RGS21: variants seen among roughly 807,000 people sequenced by gnomAD.
RGS21 encodes the protein regulator of G-protein signalling 21.
A neutral mutation model predicts 18.7 loss-of-function variants in RGS21; 19 were observed. The ratio of observed to expected loss-of-function variants is 1.01; its 90% CI spans 0.71 to 1.49. RGS21 has a LOEUF of 1.49. Ranked by LOEUF, RGS21 falls within the 40% of genes most tolerant of loss-of-function variation. RGS21 has a pLI of 0.00. For missense variants in RGS21, 194 were observed against 176.8 expected (o/e 1.10, Z -0.55); for synonymous variants, 56 against 57.8 (o/e 0.97, Z 0.14).
At chr1:192,343,874 T>A (rs994063859) in intron 2 of RGS21, among the ~76,000 whole-genome samples, 1 of 151,738 alleles carries the variant, frequency 6.6e-6, no homozygotes, top group Non-Finnish European at 1.5e-5. Flanking sequence ...AATGAGGGAG[T>A]GGCCATTGTC....
chr1:192,352,428 C>T (rs1333886056), intron 4 of RGS21, among the ~76,000 whole-genome samples: 2 of 151,850 alleles, frequency 1.3e-5, no homozygotes, highest in African/African-American at 4.8e-5. Context: ...CTAGGTATGA[C>T]TAATATTTCT....
intron 1 of RGS21, among the ~76,000 whole-genome samples, chr1:192,322,135 C>T (rs907889024): frequency 3.3e-5 from 5 of 152,102 alleles, no homozygotes; most frequent in African/African-American, 9.7e-5. Flanking sequence ...AGTCTTTCCC[C>T]TCAGGAATGT....
At chr1:192,343,192 T>C in intron 2 of RGS21, 145 bp downstream of exon 2, 1 of 822,960 alleles carries the variant, frequency 1.2e-6, no homozygotes, top group Non-Finnish European at 2.0e-6. Flanking sequence ...CTTTCTCTAC[T>C]GATTTCTTCT....
intron 4 of RGS21, among the ~76,000 whole-genome samples, chr1:192,358,211 A>T (rs1659136630): frequency 6.6e-6 from 1 of 151,970 alleles, no homozygotes; most frequent in Non-Finnish European, 1.5e-5. Flanking sequence ...TTGTCTAATT[A>T]ATCAGGATGG....
chr1:192,347,970 C>T (rs913766092), intron 3 of RGS21, among the ~76,000 whole-genome samples: 2 of 150,238 alleles, frequency 1.3e-5, no homozygotes, highest in Non-Finnish European at 2.9e-5. Context: ...GCCCTAGGCT[C>T]GCTGTGTGTG....
intron 1 of RGS21, among the ~76,000 whole-genome samples, chr1:192,325,011 T>G (rs1234212603): frequency 6.6e-6 from 1 of 152,096 alleles, no homozygotes. Flanking sequence ...TCCACTATCC[T>G]TGGGAATAAG....
intron 1 of RGS21, among the ~76,000 whole-genome samples, chr1:192,338,478 A>G (rs948864288): frequency 1.3e-5 from 2 of 152,148 alleles, no homozygotes; most frequent in East Asian, 3.8e-4. Context: ...AATAACGATC[A>G]GTGCGATTTT....
At chr1:192,352,850 G>A (rs891284336) in intron 4 of RGS21, among the ~76,000 whole-genome samples, 18 of 151,978 alleles carry the variant, frequency 1.2e-4, no homozygotes, top group African/African-American at 4.3e-4. Flanking sequence ...CTCATTTGTA[G>A]TTGATTTAAT....
intron 1 of RGS21, among the ~76,000 whole-genome samples, chr1:192,324,998 A>G (rs1299273694): frequency 6.6e-6 from 1 of 152,006 alleles, no homozygotes; most frequent in East Asian, 1.9e-4. Flanking sequence ...TCCGTTTTTA[A>G]TTTCCACTAT....
rs562834412 is a variant in RGS21, at chr1:192,355,504, T to C, written c.255+3291T>C. 3.2e-4 allele frequency among the ~76,000 whole-genome samples: 49 copies of C among 151,534 alleles called. No homozygotes were observed. The South Asian group carries it at 3.5e-3, about 11-fold the overall frequency. ...AAAAACAGTTGCTCATTGAGTAAAT[T>C]TTACCTAGATGGCTTCAGGAGAAAA... On this transcript the variant is annotated intron_variant, in intron 4 of 4. Coordinates refer to ENST00000417209, the MANE Select transcript of RGS21 (RefSeq NM_001039152.3).
At chr1:192,323,340 G>T (rs1348822694) in intron 1 of RGS21, among the ~76,000 whole-genome samples, 1 of 152,160 alleles carries the variant, frequency 6.6e-6, no homozygotes, top group East Asian at 1.9e-4. Context: ...GAATCCTGTT[G>T]CATTATGGAG....
At chr1:192,333,859 A>T (rs1400083996) in intron 1 of RGS21, among the ~76,000 whole-genome samples, 1 of 152,164 alleles carries the variant, frequency 6.6e-6, no homozygotes, top group Non-Finnish European at 1.5e-5. Flanking sequence ...CACTATAATT[A>T]TATAAGATGC....
intron 4 of RGS21, among the ~76,000 whole-genome samples, chr1:192,362,141 G>T (rs1397180044): frequency 6.6e-6 from 1 of 152,084 alleles, no homozygotes; most frequent in Non-Finnish European, 1.5e-5. Flanking sequence ...ATTAAAGTCA[G>T]GGTGTGAAGA....
intron 1 of RGS21, among the ~76,000 whole-genome samples, chr1:192,336,579 T>C (rs922952807): frequency 6.6e-6 from 1 of 152,210 alleles, no homozygotes; most frequent in African/African-American, 2.4e-5. Context: ...GCCTTCTTTA[T>C]ACTGTTAAAA....
intron 1 of RGS21, among the ~76,000 whole-genome samples, chr1:192,338,136 C>T (rs1264592640): frequency 6.6e-6 from 1 of 152,114 alleles, no homozygotes; most frequent in African/African-American, 2.4e-5. Context: ...TTTGGGAGAT[C>T]AGACACATTT....
At chr1:192,318,988 G>C (rs1326313113) in intron 1 of RGS21, among the ~76,000 whole-genome samples, 1 of 152,032 alleles carries the variant, frequency 6.6e-6, no homozygotes, top group Non-Finnish European at 1.5e-5. Flanking sequence ...CTAGCACTTG[G>C]GGAGGCCAGA....
chr1:192,343,000 A>G lies in RGS21; in HGVS notation c.-37A>G, dbSNP rs938734373. 6.2e-7 allele frequency: 1 copy of G among 1,610,808 alleles called. No homozygotes were observed. The highest frequency in any genetic ancestry group is 1.7e-5 in the Admixed American group (1 of 59,954). On this transcript the variant is annotated 5_prime_UTR_variant, in exon 2 of 5. Transcript: ENST00000417209. ...AGCTTGAAGATCAGTCAGAAAGAGA[A>G]ACTCGGCATCATCTGTGACAGACAG...
intron 3 of RGS21, among the ~76,000 whole-genome samples, chr1:192,348,229 T>A (rs1170255919): frequency 6.6e-6 from 1 of 151,912 alleles, no homozygotes; most frequent in Admixed American, 6.6e-5. Context: ...GTTCGCCACA[T>A]TAGCCAGGCT....
intron 4 of RGS21, among the ~76,000 whole-genome samples, chr1:192,358,953 T>C (rs2102237421): frequency 6.6e-6 from 1 of 152,190 alleles, no homozygotes; most frequent in African/African-American, 2.4e-5. Flanking sequence ...CATAAAGCAG[T>C]CATTTTAATG....
Sources: gnomAD v4.1 joint callset for allele counts (sites outside exome capture counted in the v4.1 genomes callset) on GRCh38, gnomAD v4.1.1 for gene constraint, MANE v1.5 for transcripts, NCBI Gene and HGNC (gene_info 2026-07-23, HGNC 2026-07-21) for gene names.